Variants in SHISA7 observed in about 807,000 individuals in gnomAD.
SHISA7 encodes the protein shisa family member 7, also known as protein shisa-7.
SHISA7 carries 6 observed loss-of-function variants against 23.9 expected under a neutral mutation model. The observed-to-expected ratio is 0.25, with a 90% CI of 0.14 to 0.50. The LOEUF is 0.50. Ranked by LOEUF, SHISA7 falls within the 20% of genes least tolerant of loss-of-function variation. The pLI is 0.98. For synonymous variants in SHISA7, 386 were observed against 398.3 expected (o/e 0.97, Z 0.37); for missense variants, 671 against 801.1 (o/e 0.84, Z 1.96).
intron 2 of SHISA7, among the ~76,000 whole-genome samples, chr19:55,439,356 C>A (rs1033824222): frequency 6.6e-6 from 1 of 152,208 alleles, no homozygotes; most frequent in Non-Finnish European, 1.5e-5. Flanking sequence ...CTGATCCCAG[C>A]TCCGTCCTTG....
intron 3 of SHISA7, among the ~76,000 whole-genome samples, chr19:55,434,072 CT>C (rs1568450128): frequency 6.6e-6 from 1 of 152,198 alleles, no homozygotes; most frequent in East Asian, 1.9e-4. Flanking sequence ...CACTGACCCC[CT>C]CTCATCCTGT....
Position 55,433,942 on chromosome 19 carries a change from A to C in SHISA7, c.977-146T>G. On this transcript the variant is annotated intron_variant, in intron 3 of 3. Coordinates refer to ENST00000376325, the MANE Select transcript of SHISA7 (RefSeq NM_001145176.2). The surrounding 1 kb of genome is among the most constrained non-coding windows in gnomAD (Gnocchi z 8.4). ...CAGGCTAGCTGTGAGGCCAAAATGC[A>C]GATTCCCAGGCCCAGCCCACAATGC... 1 of 923,222 alleles carries C rather than the reference A, an allele frequency of 1.1e-6. No individual in the cohort carries two copies. The highest frequency in any genetic ancestry group is 1.5e-6 in the Non-Finnish European group (1 of 684,096). 57.2% of individuals were successfully genotyped at this position (923,222 alleles called of 1,614,324 possible). A position where few individuals can be genotyped will look rare whatever the true frequency, so the allele number is the denominator to read the frequency against.
chr19:55,435,987 A>G (rs1377472942), intron 3 of SHISA7, among the ~76,000 whole-genome samples: 1 of 152,062 alleles, frequency 6.6e-6, no homozygotes, highest in Non-Finnish European at 1.5e-5. Context: ...ACGGGTCACA[A>G]TATGAAAATC....
chr19:55,438,713 GC>G, intron 2 of SHISA7: 3 of 1,149,920 alleles, frequency 2.6e-6, no homozygotes, highest in Non-Finnish European at 3.5e-6. Flanking sequence ...AAGGACTCTG[GC>G]CCCAAGGTCG....
intron 3 of SHISA7, among the ~76,000 whole-genome samples, chr19:55,435,338 GTGTA>G (rs1424546687): frequency 1.6e-4 from 21 of 129,766 alleles, no homozygotes; most frequent in African/African-American, 5.4e-4. Flanking sequence ...TGTGGTGTGT[GTGTA>G]TGGTGTGTAT....
chr19:55,437,474 G>C (rs1441388593), intron 3 of SHISA7, 131 bp downstream of exon 3: 1 of 1,206,264 alleles, frequency 8.3e-7, no homozygotes, highest in Non-Finnish European at 1.1e-6. Context: ...ATTCCAGAAC[G>C]AACTTGGAGT....
rs540516757 is a variant in SHISA7, at chr19:55,433,006, G to T, written c.*150C>A. The T allele has an allele frequency of 5.9e-4, 562 of 958,882 alleles. 7 individuals are homozygous for T. The South Asian group carries it at 8.5e-3, about 15-fold the overall frequency. The allele number at this position is 958,882 out of a possible 1,614,324, so 59.4% of individuals were successfully genotyped here. ...GTGAAGTAATAGGAGGAGGAATCTT[G>T]TCTGCCAGGACATCCCAGAAGGAGG... On this transcript the variant is annotated 3_prime_UTR_variant, in exon 4 of 4. Coordinates refer to ENST00000376325, the MANE Select transcript of SHISA7 (RefSeq NM_001145176.2). The surrounding 1 kb of genome is among the most constrained non-coding windows in gnomAD (Gnocchi z 8.4).
Position 55,432,926 on chromosome 19 carries a change from G to T in SHISA7, c.*230C>A. Reference sequence around the variant, plus strand: ...ACATTTTTGCTAGTGATGACCTCATGAGCCGGCCTCTTCCTCTGGGATGAC... The same window carrying T: ...ACATTTTTGCTAGTGATGACCTCATTAGCCGGCCTCTTCCTCTGGGATGAC... On this transcript the variant is annotated 3_prime_UTR_variant, in exon 4 of 4. Transcript: ENST00000376325. The surrounding 1 kb of genome is among the most constrained non-coding windows in gnomAD (Gnocchi z 4.6). 1.8e-6 allele frequency: 1 copy of T among 547,026 alleles called. No homozygotes were observed. Among genetic ancestry groups the T allele is most frequent in the Non-Finnish European group, 3.1e-6 (1 of 321,170 alleles). The allele number at this position is 547,026 out of a possible 1,614,324, so 33.9% of individuals were successfully genotyped here. A position where few individuals can be genotyped will look rare whatever the true frequency, so the allele number is the denominator to read the frequency against.
chr19:55,436,307 TGAAAC>T (rs1985457514), intron 3 of SHISA7, among the ~76,000 whole-genome samples: 4 of 148,172 alleles, frequency 2.7e-5, no homozygotes, highest in Non-Finnish European at 4.5e-5. Context: ...AAAAACAAAA[TGAAAC>T]AAAACAAAAA....
At chr19:55,437,074 C>A (rs529456942) in intron 3 of SHISA7, among the ~76,000 whole-genome samples, 1 of 152,284 alleles carries the variant, frequency 6.6e-6, no homozygotes, top group African/African-American at 2.4e-5. Flanking sequence ...CCAGCTTGCA[C>A]CAATGGCATC....
rs1985498580 is a variant in SHISA7 at position 55,437,698 on chromosome 19, A to G, written c.883T>C (p.Ser295Pro). 1.3e-6 allele frequency: 2 copies of G among 1,551,454 alleles called. No individual in the cohort carries two copies. Among genetic ancestry groups the G allele is most frequent in the Non-Finnish European group, 8.7e-7 (1 of 1,146,910 alleles). The change falls in exon 3 of 4, where the codon TCT becomes CCT. Residue 295 changes from serine to proline, a missense_variant. Transcript: ENST00000376325. ...PSLHYSTLSC[S>P]RSFHNLSHLP... The stretch of plus-strand genomic sequence containing the variant: ...TGCGAGAGGTTGTGGAAGGACCGAG[A>G]GCAGGACAGCGTGGAGTAGTGCAAG...
chr19:55,437,991 G>T (rs1985508418), intron 2 of SHISA7, among the ~76,000 whole-genome samples: 1 of 127,106 alleles, frequency 7.9e-6, no homozygotes. Flanking sequence ...TCAGACCCAG[G>T]CGTCCAGGCC....
Position 55,433,713 on chromosome 19 carries a change from G to A in SHISA7, c.1060C>T (p.Arg354Trp), listed in dbSNP as rs1310367964. 3.4e-6 allele frequency: 5 copies of A among 1,476,740 alleles called. No homozygotes were observed. The highest frequency in any genetic ancestry group is 1.3e-5 in the South Asian group (1 of 77,796). 91.5% of individuals were successfully genotyped at this position (1,476,740 alleles called of 1,614,324 possible). Reference protein sequence around the residue: ...RGTLPLHALRRPGTGGGYRME... With the variant: ...RGTLPLHALRWPGTGGGYRME... Reference sequence around the variant, plus strand: ...CGATAGCCGCCCCCCGTGCCCGGCCGCCGCAGCGCGTGCAGGGGCAGCGTG... The same window carrying A: ...CGATAGCCGCCCCCCGTGCCCGGCCACCGCAGCGCGTGCAGGGGCAGCGTG... Residue 354 changes from arginine to tryptophan, a missense_variant, in exon 4 of 4, where the codon CGG (arginine) becomes TGG (tryptophan). Around this residue, in one of 5 missense-constraint regions of SHISA7, gnomAD observed 457 missense variants for 488.3 expected, o/e 0.94. Transcript: ENST00000376325. This position sits in a 1 kb window ranked among gnomAD's most constrained non-coding sequence, Gnocchi z 8.4.
At chr19:55,436,275 G>GAA (rs1985456923) in intron 3 of SHISA7, among the ~76,000 whole-genome samples, 1 of 151,314 alleles carries the variant, frequency 6.6e-6, no homozygotes, top group Non-Finnish European at 1.5e-5. Context: ...CAACAACAGT[G>GAA]AAACTCTGTC....
intron 2 of SHISA7, among the ~76,000 whole-genome samples, chr19:55,438,870 A>AG (rs11431706): frequency 0.46 from 57,110 of 124,316 alleles, 11,714 homozygotes; most frequent in East Asian, 0.81. Context: ...AGTTCTTAGC[A>AG]CCCCCCCCCC....
At chr19:55,435,363 T>G (rs1219987853) in intron 3 of SHISA7, among the ~76,000 whole-genome samples, 2 of 125,472 alleles carry the variant, frequency 1.6e-5, no homozygotes, top group African/African-American at 6.1e-5. Context: ...GGTGTGTGTG[T>G]GGTGTGTGTG....
At position 55,433,304 on chromosome 19, in the gene SHISA7, C is replaced by T. The variant is rs1568449766; in HGVS notation, c.1469G>A (p.Trp490Ter). 6.7e-7 allele frequency: 1 copy of T among 1,494,866 alleles called. No homozygotes were observed. The highest frequency in any genetic ancestry group is 8.8e-7 in the Non-Finnish European group (1 of 1,130,338). The allele number at this position is 1,494,866 out of a possible 1,614,324, so 92.6% of individuals were successfully genotyped here. A position where few individuals can be genotyped will look rare whatever the true frequency, so the allele number is the denominator to read the frequency against. ...HALHGSPQPAWMSDAGGGGGT... is the reference protein window; with the variant it reads ...HALHGSPQPA ...CCCGCCCCCGCCGGCGTCGGACATC[C>T]AGGCCGGCTGCGGCGAGCCGTGCAG... Residue 490 changes from tryptophan (W) to a stop codon, truncating the protein, a stop_gained, in exon 4 of 4, where the codon TGG becomes TAG. Transcript: ENST00000376325. LOFTEE classifies it high-confidence loss of function. The surrounding 1 kb of genome is among the most constrained non-coding windows in gnomAD (Gnocchi z 8.4).
intron 1 of SHISA7, among the ~76,000 whole-genome samples, chr19:55,440,998 C>A (rs999419296): frequency 6.6e-6 from 1 of 152,144 alleles, no homozygotes; most frequent in African/African-American, 2.4e-5. Flanking sequence ...GAAGCCATCG[C>A]TTCTGTGGTC....
chr19:55,433,528 C>A lies in SHISA7; in HGVS notation c.1245G>T (p.Leu415=). The change falls in exon 4 of 4, where the codon CTG becomes CTT. Residue 415 remains leucine (L), a synonymous_variant. Coordinates refer to ENST00000376325, the MANE Select transcript of SHISA7 (RefSeq NM_001145176.2). This position sits in a 1 kb window ranked among gnomAD's most constrained non-coding sequence, Gnocchi z 8.4. ...ARLVSQEHLL[L]SSPEALRQSR... ...TCTGGCGCAGGGCCTCGGGCGAGGA[C>A]AGCAGCAGGTGCTCCTGCGACACCA... is the stretch of plus-strand genomic sequence containing the variant. 6.7e-7 allele frequency: 1 copy of A among 1,486,790 alleles called. No homozygotes were observed. The allele number at this position is 1,486,790 out of a possible 1,614,324, so 92.1% of individuals were successfully genotyped here.
Sources: gnomAD v4.1 joint callset for allele counts (sites outside exome capture counted in the v4.1 genomes callset) on GRCh38, gnomAD v4.1.1 for gene constraint, gnomAD v4.1.1 regional missense constraint, Gnocchi (gnomAD v3.1) non-coding constraint, MANE v1.5 for transcripts, NCBI Gene and HGNC (gene_info 2026-07-23, HGNC 2026-07-21) for gene names.